The following SYN3 variants were observed in gnomAD, a reference collection of about 807,000 sequenced individuals.
SYN3 encodes synapsin-3.
Under a neutral mutation model 65.8 loss-of-function variants are expected in SYN3, and 35 were observed. The ratio of observed to expected loss-of-function variants is 0.53; its 90% CI spans 0.41 to 0.70. SYN3 has a LOEUF of 0.70. Ranked by LOEUF, SYN3 falls within the 30% of genes least tolerant of loss-of-function variation. The pLI, the probability that SYN3 is intolerant of heterozygous loss-of-function variation, is 0.00. For missense variants in SYN3, 680 were observed against 749.0 expected, an observed-to-expected ratio of 0.91 and a Z score of 1.08; for synonymous variants, 270 against 292.9, an observed-to-expected ratio of 0.92 and a Z score of 0.80.
chr22:32,835,399 C>T lies in SYN3; in HGVS notation c.711+29516G>A, dbSNP rs182541569. Among the ~76,000 whole-genome samples, 625 of 152,178 alleles carry T rather than the reference C, an allele frequency of 4.1e-3. 8 individuals are homozygous for T. The highest frequency in any genetic ancestry group is 0.023 in the Admixed American group (356 of 15,280). On this transcript the variant is annotated intron_variant, in intron 6 of 13. Coordinates refer to ENST00000358763, the MANE Select transcript of SYN3 (RefSeq NM_003490.4). ...ATGAGACATGATTCAAATGAATCTA[C>T]GAACATATAGTTACATACACACTAG...
chr22:32,635,704 G>A (rs1472617040), intron 6 of SYN3, among the ~76,000 whole-genome samples: 1 of 152,132 alleles, frequency 6.6e-6, no homozygotes, highest in Non-Finnish European at 1.5e-5. Flanking sequence ...TACAGAAAAC[G>A]CAGTTTGACG....
chr22:32,844,425 G>C (rs1435920434), intron 6 of SYN3, among the ~76,000 whole-genome samples: 1 of 152,188 alleles, frequency 6.6e-6, no homozygotes, highest in Non-Finnish European at 1.5e-5. Flanking sequence ...CAGCATGAAG[G>C]TATATTTATG....
chr22:32,925,868 T>G (rs2146663628), intron 4 of SYN3, among the ~76,000 whole-genome samples: 2 of 148,590 alleles, frequency 1.3e-5, no homozygotes, highest in Middle Eastern at 3.4e-3. Context: ...TAGTTGTTCT[T>G]TTTTTTTTTT....
At chr22:32,720,104 A>G (rs1180731398) in intron 6 of SYN3, among the ~76,000 whole-genome samples, 1 of 152,200 alleles carries the variant, frequency 6.6e-6, no homozygotes, top group East Asian at 1.9e-4. Flanking sequence ...CCCTGGTTTC[A>G]GCTATTTAAG....
intron 6 of SYN3, among the ~76,000 whole-genome samples, chr22:32,646,205 T>C (rs967325491): frequency 2.6e-4 from 40 of 152,256 alleles, no homozygotes; most frequent in African/African-American, 8.9e-4. Context: ...GCAACCTGTG[T>C]GGACCATCAG....
intron 4 of SYN3, among the ~76,000 whole-genome samples, chr22:32,873,972 C>CAA (rs907231072): frequency 5.0e-5 from 7 of 139,596 alleles, no homozygotes; most frequent in African/African-American, 1.6e-4. Context: ...ACAAAAAATA[C>CAA]AAAAAAAAAA....
At chr22:33,018,990 G>C (rs986487149) in intron 1 of SYN3, among the ~76,000 whole-genome samples, 6 of 152,108 alleles carry the variant, frequency 3.9e-5, no homozygotes, top group African/African-American at 1.4e-4. Context: ...TTCACGTGCT[G>C]CTAAAGCTCT....
At chr22:32,959,325 G>GT (rs2051570069) in intron 3 of SYN3, among the ~76,000 whole-genome samples, 1 of 151,976 alleles carries the variant, frequency 6.6e-6, no homozygotes, top group African/African-American at 2.4e-5. Context: ...ACATGGAACT[G>GT]TAAGTCCAAT....
chr22:32,942,447 C>T (rs1043359924), intron 3 of SYN3, among the ~76,000 whole-genome samples: 3 of 152,170 alleles, frequency 2.0e-5, no homozygotes, highest in African/African-American at 4.8e-5. Context: ...CCCATTTGTA[C>T]GTCACCATCA....
intron 6 of SYN3, among the ~76,000 whole-genome samples, chr22:32,841,012 C>G (rs996994087): frequency 1.3e-5 from 2 of 152,150 alleles, no homozygotes; most frequent in South Asian, 2.1e-4. Context: ...GCTGTTACCC[C>G]CTTTTGATTG....
intron 6 of SYN3, among the ~76,000 whole-genome samples, chr22:32,719,162 A>G (rs959121782): frequency 6.6e-6 from 1 of 152,158 alleles, no homozygotes; most frequent in African/African-American, 2.4e-5. Flanking sequence ...AGTTCTTAGC[A>G]CCACATACTA....
intron 1 of SYN3, among the ~76,000 whole-genome samples, chr22:33,043,849 T>G (rs2054008661): frequency 6.6e-6 from 1 of 152,032 alleles, no homozygotes; most frequent in South Asian, 2.1e-4. Context: ...GGTCAAGAGA[T>G]CGAGACCATC....
At chr22:32,570,657 G>A (rs2058747303) in intron 7 of SYN3, among the ~76,000 whole-genome samples, 1 of 152,060 alleles carries the variant, frequency 6.6e-6, no homozygotes, top group Non-Finnish European at 1.5e-5. Flanking sequence ...AGAAAAAACA[G>A]CTTAGAATCT....
chr22:33,012,781 C>A lies in SYN3; in HGVS notation c.-162-5957G>T, dbSNP rs553343638. On this transcript the variant is annotated intron_variant, in intron 1 of 13. Coordinates refer to ENST00000358763, the MANE Select transcript of SYN3 (RefSeq NM_003490.4). ...TACTCTGCCCCCTGATTTGTCAAAC[C>A]AGCAAAGCTGCAGCTCTCCACTTGA... Among the ~76,000 whole-genome samples, 17 of 152,358 alleles carry A rather than the reference C, an allele frequency of 1.1e-4. No individual in the cohort carries two copies. The South Asian group carries it at 3.5e-3, about 32-fold the overall frequency.
intron 6 of SYN3, among the ~76,000 whole-genome samples, chr22:32,748,886 G>T (rs1180057539): frequency 6.6e-6 from 1 of 152,170 alleles, no homozygotes; most frequent in Non-Finnish European, 1.5e-5. Flanking sequence ...TTCTGGCTTA[G>T]CTAGTGACTA....
intron 6 of SYN3, among the ~76,000 whole-genome samples, chr22:32,597,460 C>A (rs1372995619): frequency 1.3e-5 from 2 of 152,102 alleles, no homozygotes; most frequent in Non-Finnish European, 2.9e-5. Flanking sequence ...AGGGGATCCG[C>A]CTGCCTCTGC....
intron 6 of SYN3, among the ~76,000 whole-genome samples, chr22:32,640,723 C>G (rs113910538): frequency 0.027 from 4,175 of 152,134 alleles, 66 homozygotes; most frequent in Non-Finnish European, 0.037. Flanking sequence ...AAAAATTAGC[C>G]GGGCGTGGTG....
intron 6 of SYN3, among the ~76,000 whole-genome samples, chr22:32,631,719 AC>A (rs2059750017): frequency 6.6e-6 from 1 of 152,140 alleles, no homozygotes; most frequent in Non-Finnish European, 1.5e-5. Context: ...TAATCCTCCC[AC>A]CATCCTATGA....
chr22:32,767,253 C>A (rs1038742560), intron 6 of SYN3, among the ~76,000 whole-genome samples: 4 of 152,054 alleles, frequency 2.6e-5, no homozygotes, highest in African/African-American at 4.8e-5. Context: ...CTCAAGTAGC[C>A]TTCTCTTCTT....
Sources: gnomAD v4.1 joint callset for allele counts (sites outside exome capture counted in the v4.1 genomes callset) on GRCh38, gnomAD v4.1.1 for gene constraint, MANE v1.5 for transcripts, NCBI Gene and HGNC (gene_info 2026-07-23, HGNC 2026-07-21) for gene names.